The following MKLN1 variants were observed in gnomAD, a reference collection of about 807,000 sequenced individuals.
The protein encoded by MKLN1 is muskelin.
A neutral mutation model predicts 99.0 loss-of-function variants in MKLN1; 18 were observed. The observed-to-expected ratio is 0.18, with a 90% CI of 0.13 to 0.27. MKLN1 has a LOEUF of 0.27. Ranked by LOEUF, MKLN1 falls within the 10% of genes least tolerant of loss-of-function variation. The pLI is 1.00. For synonymous variants in MKLN1, 288 were observed against 293.2 expected (o/e 0.98, Z 0.18); for missense variants, 621 against 875.9 (o/e 0.71, Z 3.67).
At chr7:131,283,904 C>T (rs1246106064) in intron 3 of MKLN1, among the ~76,000 whole-genome samples, 1 of 152,024 alleles carries the variant, frequency 6.6e-6, no homozygotes, top group Non-Finnish European at 1.5e-5. Flanking sequence ...TTTTTCTCAA[C>T]ATTGTGATTT....
intron 1 of MKLN1, among the ~76,000 whole-genome samples, chr7:131,329,599 T>C (rs534261027): frequency 6.6e-6 from 1 of 152,334 alleles, no homozygotes; most frequent in African/African-American, 2.4e-5. Context: ...TTTTCTGGTC[T>C]TGAATTAGCG....
At chr7:131,459,802 G>A (rs1002354742) in intron 12 of MKLN1, among the ~76,000 whole-genome samples, 1 of 151,184 alleles carries the variant, frequency 6.6e-6, no homozygotes, top group East Asian at 1.9e-4. Flanking sequence ...TGCCTAGCTT[G>A]CAGTGGGCTC....
intron 2 of MKLN1, among the ~76,000 whole-genome samples, chr7:131,163,935 A>G (rs1408685826): frequency 6.6e-6 from 1 of 152,226 alleles, no homozygotes; most frequent in Admixed American, 6.5e-5. Context: ...AGTTTAGAAC[A>G]GTAGCTCCTT....
At chr7:131,245,027 G>A (rs1442522551) in intron 3 of MKLN1, among the ~76,000 whole-genome samples, 2 of 152,192 alleles carry the variant, frequency 1.3e-5, no homozygotes, top group African/African-American at 4.8e-5. Flanking sequence ...AGGGACGAAT[G>A]AGAAAAGGCT....
At chr7:131,274,655 A>AG (rs1248980184) in intron 3 of MKLN1, among the ~76,000 whole-genome samples, 4 of 151,668 alleles carry the variant, frequency 2.6e-5, no homozygotes, top group African/African-American at 9.7e-5. Context: ...AAAAAAAAAA[A>AG]AAAAAAAAAG....
intron 2 of MKLN1, among the ~76,000 whole-genome samples, chr7:131,378,671 A>T (rs1793740177): frequency 6.6e-6 from 1 of 152,102 alleles, no homozygotes; most frequent in Non-Finnish European, 1.5e-5. Flanking sequence ...CTGTACAAAA[A>T]ATACAAAAAG....
At chr7:131,458,712 C>CAT (rs956336862) in intron 12 of MKLN1, among the ~76,000 whole-genome samples, 345 of 150,276 alleles carry the variant, frequency 2.3e-3, no homozygotes, top group Middle Eastern at 6.9e-3. Flanking sequence ...AGTTTATATA[C>CAT]ATATATATAT....
At chr7:131,351,041 G>A (rs781124561) in intron 1 of MKLN1, among the ~76,000 whole-genome samples, 6 of 152,032 alleles carry the variant, frequency 3.9e-5, no homozygotes, top group Admixed American at 6.5e-5. Flanking sequence ...GGATCCAAAC[G>A]CTTATTGCAT....
At chr7:131,338,373 G>A (rs1372324534) in intron 1 of MKLN1, among the ~76,000 whole-genome samples, 1 of 152,188 alleles carries the variant, frequency 6.6e-6, no homozygotes, top group Admixed American at 6.5e-5. Context: ...GCCTCCTAGT[G>A]GCTGTCCTTT....
At chr7:131,199,404 A>C (rs6978508) in intron 2 of MKLN1, among the ~76,000 whole-genome samples, 58,348 of 151,876 alleles carry the variant, frequency 0.38, 11,770 homozygotes, top group South Asian at 0.59. Context: ...GCATGCCAAT[A>C]CAGATGATTT....
chr7:131,368,048 G>T (rs1800233001), intron 1 of MKLN1, among the ~76,000 whole-genome samples: 1 of 152,072 alleles, frequency 6.6e-6, no homozygotes, highest in Non-Finnish European at 1.5e-5. Context: ...GTAATACAAG[G>T]GAGGATAATA....
Position 131,414,719 on chromosome 7 carries a change from C to T in MKLN1, c.847+9C>T, listed in dbSNP as rs1163723968. 3.2e-6 allele frequency: 5 copies of T among 1,584,206 alleles called. No individual in the cohort carries two copies. The Admixed American group carries it at 7.1e-5, about 22-fold the overall frequency. On this transcript the variant is annotated intron_variant, in intron 8 of 17. Transcript: ENST00000352689. ...TATTGATGTTCAAACAGGTGAGTAG[C>T]AGTTGCAGTGGAAAGCAAAATCTTC...
rs1323123556 is a variant in MKLN1 at position 131,196,775 on chromosome 7, TATACA to T, written c.-296-6079_-296-6075del. On this transcript the variant is annotated intron_variant, in intron 2 of 7. Coordinates refer to the MKLN1 transcript ENST00000416992. ...GTACATTATCACTTGCTCTTTTCTC[TATACA>T]ATTTAGAAGCCCATTGGCCCCCATT... Among the ~76,000 whole-genome samples the T allele has an allele frequency of 2.6e-5, 4 of 152,104 alleles. No individual in the cohort carries two copies. In the East Asian group the frequency reaches 7.7e-4, roughly 29 times the overall value.
rs1797528666 is a variant in MKLN1, at chr7:131,495,329, C to T, written c.*7601C>T. ...TGCTTATTAATGCTGTGAATCGCTC[C>T]TTCTGTTTGTGAAAACATCTCCTGG... On this transcript the variant is annotated 3_prime_UTR_variant, in exon 18 of 18. Coordinates refer to ENST00000352689, the MANE Select transcript of MKLN1 (RefSeq NM_013255.5). The T allele has an allele frequency of 6.6e-6, 1 of 152,114 alleles. No homozygotes were observed. Among genetic ancestry groups the T allele is most frequent in the Admixed American group, 6.6e-5 (1 of 15,258 alleles). 9.4% of individuals were successfully genotyped at this position (152,114 alleles called of 1,614,324 possible).
intron 5 of MKLN1, among the ~76,000 whole-genome samples, chr7:131,398,461 A>G (rs1222001614): frequency 6.6e-6 from 1 of 152,156 alleles, no homozygotes; most frequent in East Asian, 1.9e-4. Flanking sequence ...TGGGAGACCA[A>G]AGTGGGCAGA....
At chr7:131,310,091 C>G (rs1156875321) in intron 3 of MKLN1, 1 of 152,176 alleles carries the variant, frequency 6.6e-6, no homozygotes, top group Non-Finnish European at 1.5e-5. Flanking sequence ...TTTACATTAA[C>G]ATAACATAAG....
At chr7:131,344,727 T>C (rs1401357507) in intron 1 of MKLN1, among the ~76,000 whole-genome samples, 2 of 152,082 alleles carry the variant, frequency 1.3e-5, no homozygotes, top group Non-Finnish European at 2.9e-5. Context: ...GTTTGTTAAA[T>C]GCAAAAAACG....
chr7:131,381,502 T>G (rs1563320819), intron 2 of MKLN1, among the ~76,000 whole-genome samples: 2 of 152,234 alleles, frequency 1.3e-5, no homozygotes, highest in Non-Finnish European at 2.9e-5. Context: ...GAAAATGACT[T>G]TAATGTTTTT....
intron 3 of MKLN1, among the ~76,000 whole-genome samples, chr7:131,217,523 C>T (rs914800199): frequency 9.2e-5 from 14 of 151,584 alleles, no homozygotes; most frequent in South Asian, 2.1e-4. Context: ...CATGGTGAAA[C>T]CCTGTCTCTA....
Sources: gnomAD v4.1 joint callset for allele counts (sites outside exome capture counted in the v4.1 genomes callset) on GRCh38, gnomAD v4.1.1 for gene constraint, MANE v1.5 for transcripts, NCBI Gene and HGNC (gene_info 2026-07-23, HGNC 2026-07-21) for gene names.